FAT1: variants seen among roughly 807,000 people sequenced by gnomAD.
The protein encoded by FAT1 is protocadherin Fat 1.
In FAT1, 171 loss-of-function variants were observed where a neutral mutation model predicts 329.8. The ratio of observed to expected loss-of-function variants is 0.52; its 90% confidence interval spans 0.46 to 0.59. The LOEUF (loss-of-function observed/expected upper bound fraction) is 0.59. Ranked by LOEUF, FAT1 falls within the 20% of genes least tolerant of loss-of-function variation. The probability of loss-of-function intolerance (pLI) is 0.00; values close to 1 mark genes in which losing one functional copy is unlikely to be tolerated. For missense variants in FAT1, 5,672 were observed against 5,774.4 expected (o/e 0.98, Z 0.57); for synonymous variants, 2,233 against 2,228.6 (o/e 1.00, Z -0.06).
intron 2 of FAT1, among the ~76,000 whole-genome samples, chr4:186,679,181 C>G (rs1051847416): frequency 6.6e-6 from 1 of 151,928 alleles, no homozygotes; most frequent in Non-Finnish European, 1.5e-5. Flanking sequence ...GAGATCGAGA[C>G]CATCCTGGCA....
chr4:186,695,614 G>A (rs1162300999), intron 2 of FAT1, among the ~76,000 whole-genome samples: 4 of 152,098 alleles, frequency 2.6e-5, no homozygotes, highest in Non-Finnish European at 4.4e-5. Flanking sequence ...AGTATTGGCT[G>A]GATGCCTAGA....
chr4:186,680,581 G>C (rs1743166461), intron 2 of FAT1, among the ~76,000 whole-genome samples: 1 of 152,080 alleles, frequency 6.6e-6, no homozygotes, highest in Non-Finnish European at 1.5e-5. Context: ...ACCTCATAAA[G>C]CTCCAAGACC....
In FAT1 at chr4:186,603,608, T is replaced by C. The variant is rs2126430638; in HGVS notation, c.10918A>G (p.Asn3640Asp). The C allele has an allele frequency of 6.2e-7, 1 of 1,614,000 alleles. No individual in the cohort carries two copies. ...GCAAAGCGGATCGCGATGGTGTGGT[T>C]CAACATCTCCTGTGTGACTTGTCTG... ...HIRQVTQEML[N>D]HTIAIRFANL... The change falls in exon 19 of 27, where the codon AAC becomes GAC. Residue 3640 changes from asparagine (N) to aspartate (D), a missense_variant. Coordinates refer to ENST00000441802, the MANE Select transcript of FAT1 (RefSeq NM_005245.4).
At position 186,604,399 on chromosome 4, in the gene FAT1, T is replaced by A. The variant is rs879073896; in HGVS notation, c.10526A>T (p.Asp3509Val). 1 of 1,613,628 alleles carries A rather than the reference T, an allele frequency of 6.2e-7. No homozygotes were observed. The highest frequency in any genetic ancestry group is 8.5e-7 in the Non-Finnish European group (1 of 1,179,746). The change falls in exon 18 of 27, where the codon GAT becomes GTT. Residue 3509 changes from aspartate to valine, a missense_variant. Transcript: ENST00000441802. ...TACCTTCACCTGCAGTAAGTAATGA[T>A]CTTTCTCCTTCCTCTTGATGGCAGA... Reference protein sequence around the residue: ...TSSAIKRKEKDHYLLQVKVAD... With the variant: ...TSSAIKRKEKVHYLLQVKVAD...
At chr4:186,684,683 A>C (rs113903804) in intron 2 of FAT1, among the ~76,000 whole-genome samples, 122,510 of 151,494 alleles carry the variant, frequency 0.81, 49,835 homozygotes, top group South Asian at 0.84. Flanking sequence ...AAAAAAAAAA[A>C]CCCAAACTCC....
chr4:186,698,213 C>T (rs185238028), intron 2 of FAT1, among the ~76,000 whole-genome samples: 80 of 152,270 alleles, frequency 5.3e-4, no homozygotes, highest in African/African-American at 1.7e-3. Context: ...TTCATGGAGA[C>T]GGACTGAAGT....
At chr4:186,627,272 T>C (rs1202646244) in intron 9 of FAT1, among the ~76,000 whole-genome samples, 4 of 143,288 alleles carry the variant, frequency 2.8e-5, no homozygotes, top group African/African-American at 1.1e-4. Context: ...GGGACCAACA[T>C]GGCACCTGGC....
intron 2 of FAT1, among the ~76,000 whole-genome samples, chr4:186,688,900 A>T (rs949899826): frequency 2.0e-5 from 3 of 152,158 alleles, no homozygotes; most frequent in Non-Finnish European, 4.4e-5. Context: ...AATATAAAGC[A>T]GAAAATCACC....
rs2126562589 is a variant in FAT1, at chr4:186,636,598, T to A, written c.3959A>T (p.Tyr1320Phe). The change falls in exon 5 of 27, where the codon TAT becomes TTT. Residue 1320 changes from tyrosine to phenylalanine, a missense_variant. Tyr to Phe is a conservative substitution (Grantham distance 22). Transcript: ENST00000441802. The part of the protein sequence containing the change: ...SSKRFSAAGE[Y>F]DILSIKAVDN... ...ATCTTAACTCACTGAAAGAATATCA[T>A]ATTCTCCAGCTGCTGAAAACCTCTT... 6.2e-7 allele frequency: 1 copy of A among 1,609,928 alleles called. No homozygotes were observed. The highest frequency in any genetic ancestry group is 8.5e-7 in the Non-Finnish European group (1 of 1,177,958).
Position 186,621,164 on chromosome 4 carries a change from C to T in FAT1, c.5422G>A (p.Val1808Ile), listed in dbSNP as rs764078753. ...DADKDSNALL[V>I]YHIVEPSVHT... ...ACAGATGGTTCAACAATGTGATATA[C>T]AAGCAAAGCATTTGAGTCTTTATCA... is the stretch of plus-strand genomic sequence containing the variant. The change falls in exon 10 of 27, where the codon GTA (valine) becomes ATA (isoleucine). Residue 1808 changes from valine (V) to isoleucine (I), a missense_variant. Val to Ile is a conservative substitution (Grantham distance 29, BLOSUM62 3). Coordinates refer to ENST00000441802, the MANE Select transcript of FAT1 (RefSeq NM_005245.4). The T allele has an allele frequency of 6.2e-7, 1 of 1,613,938 alleles. No individual in the cohort carries two copies. Among genetic ancestry groups the T allele is most frequent in the South Asian group, 1.1e-5 (1 of 91,066 alleles).
intron 1 of FAT1, 59 bp downstream of exon 1, chr4:186,723,605 A>C (rs188787501): frequency 2.0e-5 from 3 of 152,118 alleles, no homozygotes; most frequent in African/African-American, 7.2e-5. Context: ...CAGAGTCCGC[A>C]CCGCAGCGCG....
intron 7 of FAT1, among the ~76,000 whole-genome samples, chr4:186,631,822 C>G (rs73030832): frequency 0.074 from 11,187 of 152,130 alleles, 607 homozygotes; most frequent in African/African-American, 0.15. Context: ...CCCGCTGTAT[C>G]CTGGTGCCTC....
At chr4:186,676,387 T>C (rs1742961639) in intron 2 of FAT1, among the ~76,000 whole-genome samples, 1 of 152,118 alleles carries the variant, frequency 6.6e-6, no homozygotes, top group Non-Finnish European at 1.5e-5. Context: ...CTAATGTTTC[T>C]AGAAGAAATA....
intron 2 of FAT1, among the ~76,000 whole-genome samples, chr4:186,681,864 G>T (rs1317415925): frequency 1.3e-5 from 2 of 152,170 alleles, no homozygotes; most frequent in Non-Finnish European, 2.9e-5. Context: ...CTGGGACACA[G>T]AAAGGAACAT....
chr4:186,681,919 G>C (rs113009064), intron 2 of FAT1, among the ~76,000 whole-genome samples: 51 of 152,218 alleles, frequency 3.4e-4, no homozygotes, highest in African/African-American at 1.2e-3. Context: ...ACTTATTTTC[G>C]TTACATTTTG....
At chr4:186,639,241 C>T (rs1033414525) in intron 4 of FAT1, among the ~76,000 whole-genome samples, 12 of 152,074 alleles carry the variant, frequency 7.9e-5, no homozygotes, top group African/African-American at 1.2e-4. Flanking sequence ...TAGTTTAAAA[C>T]GCAAAAATAA....
Position 186,707,748 on chromosome 4 carries a change from G to C in FAT1, c.2080C>G (p.His694Asp), listed in dbSNP as rs754346484. 1.9e-6 allele frequency: 3 copies of C among 1,613,588 alleles called. No individual in the cohort carries two copies. The African/African-American group carries it at 4.0e-5, about 22-fold the overall frequency. The part of the protein sequence containing the change: ...AEKLLQANKL[H>D]NQGEVEDIFF... ...ATATCCTCCACCTCTCCCTGGTTGT[G>C]TAATTTATTTGCCTGCAGGAGCTTC... The change falls in exon 2 of 27, where the codon CAC becomes GAC. Residue 694 changes from histidine to aspartate, a missense_variant. Physicochemically the swap from His to Asp is moderately conservative, Grantham distance 81. Transcript: ENST00000441802.
In FAT1 at chr4:186,723,816, C is replaced by A. The variant is rs1019454770; in HGVS notation, c.-171G>T. ...CACGAGCCGCTCCCGCGCCCTCTCC[C>A]CGCGCCCGGCCGCCCAGCTCGGCGC... On this transcript the variant is annotated 5_prime_UTR_variant, in exon 1 of 27. Coordinates refer to ENST00000441802, the MANE Select transcript of FAT1 (RefSeq NM_005245.4). 6.6e-6 allele frequency: 1 copy of A among 150,700 alleles called. No homozygotes were observed. The highest frequency in any genetic ancestry group is 2.4e-5 in the African/African-American group (1 of 41,062). The allele number at this position is 150,700 out of a possible 1,614,324, so 9.3% of individuals were successfully genotyped here.
intron 1 of FAT1, among the ~76,000 whole-genome samples, chr4:186,711,958 T>A (rs1744980756): frequency 6.6e-6 from 1 of 152,174 alleles, no homozygotes; most frequent in African/African-American, 2.4e-5. Context: ...TTGGATGATG[T>A]TTAGCAAGCA....
Sources: allele counts gnomAD v4.1 joint callset (sites outside exome capture counted in the v4.1 genomes callset), GRCh38; gene constraint gnomAD v4.1.1; transcripts MANE v1.5; gene names NCBI Gene and HGNC (gene_info 2026-07-23, HGNC 2026-07-21).